The following UBE2E2 variants were observed in gnomAD, a reference collection of about 807,000 sequenced individuals.
UBE2E2 encodes ubiquitin-conjugating enzyme E2 E2.
UBE2E2 carries 6 observed loss-of-function variants against 24.7 expected under a neutral mutation model. That is an observed-to-expected ratio of 0.24 (90% CI 0.13 to 0.48). The LOEUF (loss-of-function observed/expected upper bound fraction) is 0.48, where lower values mean the gene tolerates loss of function less well. Ranked by LOEUF, UBE2E2 falls within the 20% of genes least tolerant of loss-of-function variation. The probability of loss-of-function intolerance (pLI) is 0.99; values close to 1 mark genes in which losing one functional copy is unlikely to be tolerated. For missense variants in UBE2E2, 169 were observed against 245.0 expected (o/e 0.69, Z 2.07); for synonymous variants, 104 against 83.6 (o/e 1.24, Z -1.33).
At chr3:23,310,486 T>C (rs560392620) in intron 3 of UBE2E2, among the ~76,000 whole-genome samples, 1 of 152,310 alleles carries the variant, frequency 6.6e-6, no homozygotes, top group South Asian at 2.1e-4. Flanking sequence ...TTACCAGGTT[T>C]ACTGCAGTGT....
At chr3:23,416,364 T>C (rs1401920812) in intron 3 of UBE2E2, among the ~76,000 whole-genome samples, 1 of 152,236 alleles carries the variant, frequency 6.6e-6, no homozygotes, top group South Asian at 2.1e-4. Context: ...TTTTTAAGAA[T>C]GTTGGATACT....
At chr3:23,218,321 A>G (rs982113789) in intron 3 of UBE2E2, among the ~76,000 whole-genome samples, 31 of 152,262 alleles carry the variant, frequency 2.0e-4, no homozygotes, top group African/African-American at 7.5e-4. Flanking sequence ...ATATTCAAAG[A>G]ATGTTTCACT....
intron 3 of UBE2E2, among the ~76,000 whole-genome samples, chr3:23,485,887 T>G (rs1281459510): frequency 6.6e-6 from 1 of 152,194 alleles, no homozygotes; most frequent in African/African-American, 2.4e-5. Context: ...TCTTACTGTT[T>G]CCATGGTATA....
intron 3 of UBE2E2, among the ~76,000 whole-genome samples, chr3:23,338,428 G>T (rs1695275759): frequency 1.3e-5 from 2 of 152,148 alleles, no homozygotes; most frequent in African/African-American, 4.8e-5. Flanking sequence ...AGAGAAGGTT[G>T]CATATATGTG....
intron 3 of UBE2E2, among the ~76,000 whole-genome samples, chr3:23,235,233 C>T (rs1393442055): frequency 2.6e-5 from 4 of 152,006 alleles, no homozygotes; most frequent in Non-Finnish European, 4.4e-5. Context: ...TGAAGAAAAC[C>T]AGGGATGAGT....
At chr3:23,399,068 A>G (rs752480569) in intron 3 of UBE2E2, among the ~76,000 whole-genome samples, 8 of 152,138 alleles carry the variant, frequency 5.3e-5, no homozygotes, top group Non-Finnish European at 1.2e-4. Context: ...TCTTCCACTC[A>G]TGTATTTAAT....
At chr3:23,561,552 C>A (rs1004624656) in intron 5 of UBE2E2, among the ~76,000 whole-genome samples, 8 of 151,932 alleles carry the variant, frequency 5.3e-5, no homozygotes, top group Admixed American at 6.6e-5. Flanking sequence ...CTTGGCAATG[C>A]GGGCTCTTTT....
chr3:23,378,469 T>C (rs1559366577), intron 3 of UBE2E2, among the ~76,000 whole-genome samples: 1 of 152,164 alleles, frequency 6.6e-6, no homozygotes, highest in Non-Finnish European at 1.5e-5. Flanking sequence ...ATAGCGTGTA[T>C]GCTATGTGGC....
In UBE2E2 at chr3:23,407,980, G is replaced by A. The variant is rs769218839; in HGVS notation, c.228-91628G>A. On this transcript the variant is annotated intron_variant, in intron 3 of 5. Coordinates refer to ENST00000396703, the MANE Select transcript of UBE2E2 (RefSeq NM_152653.4). This position sits in a 1 kb window ranked among gnomAD's most constrained non-coding sequence, Gnocchi z 4.0. ...ACCTTTATGTGTAATTGTGCTTCTGGTGGGGGCGGGGGAGATGGGCTTTTA... is the reference window on the plus strand; with the variant it reads ...ACCTTTATGTGTAATTGTGCTTCTGATGGGGGCGGGGGAGATGGGCTTTTA... Among the ~76,000 whole-genome samples, 1 of 151,764 alleles carries A rather than the reference G, an allele frequency of 6.6e-6. No individual in the cohort carries two copies. The highest frequency in any genetic ancestry group is 1.5e-5 in the Non-Finnish European group (1 of 67,958).
chr3:23,448,508 T>C (rs1347162287), intron 3 of UBE2E2, among the ~76,000 whole-genome samples: 1 of 152,156 alleles, frequency 6.6e-6, no homozygotes, highest in Admixed American at 6.5e-5. Flanking sequence ...AATATGAGGA[T>C]TCTGATTGGA....
chr3:23,570,037 T>C (rs1273262803), intron 5 of UBE2E2, among the ~76,000 whole-genome samples: 1 of 152,170 alleles, frequency 6.6e-6, no homozygotes, highest in African/African-American at 2.4e-5. Context: ...CGGGTCACTT[T>C]CTCATTATTA....
chr3:23,519,824 A>G (rs1668663819), intron 4 of UBE2E2, among the ~76,000 whole-genome samples: 1 of 149,984 alleles, frequency 6.7e-6, no homozygotes, highest in African/African-American at 2.5e-5. Context: ...CTACAGACAC[A>G]TGCCACCATG....
At chr3:23,371,750 A>AGG (rs1309527230) in intron 3 of UBE2E2, among the ~76,000 whole-genome samples, 2 of 152,180 alleles carry the variant, frequency 1.3e-5, no homozygotes, top group African/African-American at 4.8e-5. Flanking sequence ...GGAGGCAGGA[A>AGG]GGGAATGTCT....
chr3:23,316,867 T>A (rs1694595855), intron 3 of UBE2E2, among the ~76,000 whole-genome samples: 1 of 152,058 alleles, frequency 6.6e-6, no homozygotes, highest in East Asian at 1.9e-4. Context: ...GTGGGCTCAC[T>A]TCTGACCCAG....
intron 3 of UBE2E2, among the ~76,000 whole-genome samples, chr3:23,316,708 T>C (rs1465521832): frequency 2.6e-5 from 4 of 151,912 alleles, no homozygotes; most frequent in African/African-American, 7.3e-5. Flanking sequence ...ATGTTCTGGG[T>C]CATACCTAAT....
intron 3 of UBE2E2, among the ~76,000 whole-genome samples, chr3:23,440,810 T>G (rs11129119): frequency 6.6e-6 from 1 of 151,930 alleles, no homozygotes; most frequent in Non-Finnish European, 1.5e-5. Context: ...AAAAGTGTCC[T>G]GAAGTCATTT....
chr3:23,412,221 G>A (rs772288011), intron 3 of UBE2E2, among the ~76,000 whole-genome samples: 3 of 152,058 alleles, frequency 2.0e-5, no homozygotes, highest in Non-Finnish European at 4.4e-5. Flanking sequence ...GAAATGCATT[G>A]TAATTATTTG....
At chr3:23,302,352 G>C (rs1254450336) in intron 3 of UBE2E2, among the ~76,000 whole-genome samples, 4 of 152,164 alleles carry the variant, frequency 2.6e-5, no homozygotes, top group African/African-American at 9.7e-5. Flanking sequence ...CTACAAGTTA[G>C]GAAAGTATCT....
At chr3:23,246,387 A>ATTTTTTTTTTTT (rs35802594) in intron 3 of UBE2E2, among the ~76,000 whole-genome samples, 3 of 122,476 alleles carry the variant, frequency 2.4e-5, no homozygotes, top group Admixed American at 8.2e-5. Context: ...TGCCTGGCTA[A>ATTTTTTTTTTTT]TTTTTTTTTT....
Sources: allele counts gnomAD v4.1 joint callset (sites outside exome capture counted in the v4.1 genomes callset), GRCh38; gene constraint gnomAD v4.1.1; non-coding constraint Gnocchi (gnomAD v3.1); transcripts MANE v1.5; gene names NCBI Gene and HGNC (gene_info 2026-07-23, HGNC 2026-07-21).